CYP2A7: variants seen among roughly 807,000 people sequenced by gnomAD.
CYP2A7 encodes the protein cytochrome P450 family 2 subfamily A member 7.
In CYP2A7, 36 loss-of-function variants were observed where a neutral mutation model predicts 42.0. The observed-to-expected ratio is 0.86, with a 90% CI of 0.66 to 1.13. CYP2A7 has a LOEUF of 1.13. Among genes scored for constraint, CYP2A7 ranks in the 50% most tolerant of loss-of-function variants. CYP2A7 has a pLI of 0.00. For missense variants in CYP2A7, 661 were observed against 634.1 expected (o/e 1.04, Z -0.46); for synonymous variants, 260 against 249.5 (o/e 1.04, Z -0.40).
intron 4 of CYP2A7, 139 bp from the exon 5 acceptor site, chr19:40,879,075 C>T (rs939086954): frequency 1.5e-5 from 20 of 1,315,788 alleles, no homozygotes; most frequent in Middle Eastern, 2.7e-4. Flanking sequence ...TCAGTGGGGT[C>T]GGATAGGAAC....
chr19:40,881,548 T>A, intron 2 of CYP2A7, 41 bp downstream of exon 2: 1 of 1,609,546 alleles, frequency 6.2e-7, no homozygotes, highest in East Asian at 2.2e-5. Context: ...GAGACCATCG[T>A]GTCCGCCTGG....
rs1354280968 is a variant in CYP2A7 at position 40,879,875 on chromosome 19, A to T, written c.654+209T>A. On this transcript the variant is annotated intron_variant, in intron 4 of 8. Coordinates refer to ENST00000301146, the MANE Select transcript of CYP2A7 (RefSeq NM_000764.3). ...AGCTGAGGGTATGTATCCTACCAGC[A>T]GGCTCTGTTTTGGGGAGCATCTGTT... Among the ~76,000 whole-genome samples, 7 of 150,802 alleles carry T rather than the reference A, an allele frequency of 4.6e-5. No individual in the cohort carries two copies. The Admixed American group carries it at 4.7e-4, about 10-fold the overall frequency.
At chr19:40,879,049 T>C in intron 4 of CYP2A7, 113 bp from the exon 5 acceptor site, 2 of 1,456,640 alleles carry the variant, frequency 1.4e-6, no homozygotes, top group South Asian at 1.4e-5. Flanking sequence ...GGCATCTGTC[T>C]CATTGTTTAG....
intron 2 of CYP2A7, among the ~76,000 whole-genome samples, chr19:40,880,846 A>G (rs1402592556): frequency 1.1e-3 from 142 of 124,242 alleles, no homozygotes; most frequent in Non-Finnish European, 2.1e-3. Flanking sequence ...AGAGAGAGAG[A>G]GAGAGAGAGA....
Position 40,877,466 on chromosome 19 carries a change from C to A in CYP2A7, c.974-89G>T, listed in dbSNP as rs564551458. On this transcript the variant is annotated intron_variant, in intron 6 of 8. Transcript: ENST00000301146. The stretch of plus-strand genomic sequence containing the variant: ...AATAGGTAAAACGGGGTGGATGATA[C>A]GGCTCCCCCTATGAGACGGAGGTAG... The A allele has an allele frequency of 9.7e-6, 15 of 1,550,754 alleles. 2 individuals are homozygous for A. Among genetic ancestry groups the A allele is most frequent in the Admixed American group, 1.8e-5 (1 of 54,726 alleles).
At chr19:40,879,185 G>A (rs1178194991) in intron 4 of CYP2A7, among the ~76,000 whole-genome samples, 1 of 151,854 alleles carries the variant, frequency 6.6e-6, no homozygotes, top group Non-Finnish European at 1.5e-5. Flanking sequence ...GTATGCAAAT[G>A]AGGCTGGATT....
chr19:40,878,732 C>T (rs4079367), intron 5 of CYP2A7, 28 bp downstream of exon 5: 825,215 of 1,605,036 alleles, frequency 0.51, 221,930 homozygotes, highest in Admixed American at 0.67. Context: ...TGGCTTTGCA[C>T]CTCCCCGCAC....
At chr19:40,881,336 G>A (rs10424834) in intron 2 of CYP2A7, among the ~76,000 whole-genome samples, 74,269 of 150,378 alleles carry the variant, frequency 0.49, 19,016 homozygotes, top group Admixed American at 0.61. Flanking sequence ...GGAGAGAGAG[G>A]GGAAAGAGGA....
chr19:40,878,290 C>T (rs1180095473), intron 5 of CYP2A7, among the ~76,000 whole-genome samples: 3 of 151,632 alleles, frequency 2.0e-5, no homozygotes, highest in Non-Finnish European at 2.9e-5. Flanking sequence ...AGGCTGGACT[C>T]GAACTCCTGG....
chr19:40,875,816 G>A lies in CYP2A7; in HGVS notation c.1362C>T (p.Thr454=), dbSNP rs1967516708. ...LARMELFLFF[T]TVMQNFRLKS... ...TGAGGCGGAAGTTCTGCATGACGGTGGTGAAGAAGAGAAAGAGCTCCATTC... is the reference window on the plus strand; with the variant it reads ...TGAGGCGGAAGTTCTGCATGACGGTAGTGAAGAAGAGAAAGAGCTCCATTC... The change falls in exon 9 of 9, where the codon ACC becomes ACT. Residue 454 remains threonine (T), a synonymous_variant. Coordinates refer to ENST00000301146, the MANE Select transcript of CYP2A7 (RefSeq NM_000764.3). 6.3e-7 allele frequency: 1 copy of A among 1,595,856 alleles called. No individual in the cohort carries two copies. Among genetic ancestry groups the A allele is most frequent in the Admixed American group, 1.7e-5 (1 of 58,464 alleles).
intron 4 of CYP2A7, 105 bp downstream of exon 4, chr19:40,879,979 G>C: frequency 2.6e-6 from 4 of 1,544,008 alleles, no homozygotes; most frequent in Non-Finnish European, 3.5e-6. Flanking sequence ...ATTTTGAGGG[G>C]ACACTGTCTG....
chr19:40,881,508 A>G, intron 2 of CYP2A7, 81 bp downstream of exon 2: 2 of 1,592,526 alleles, frequency 1.3e-6, no homozygotes, highest in Non-Finnish European at 8.6e-7. Context: ...TCCAGTGGGC[A>G]GGAGAGTCAG....
At chr19:40,877,514 T>C (rs1454143714) in intron 6 of CYP2A7, 137 bp from the exon 7 acceptor site, 2 of 1,340,114 alleles carry the variant, frequency 1.5e-6, no homozygotes, top group Non-Finnish European at 2.0e-6. Flanking sequence ...AGAACAGACA[T>C]CGGCCATTCG....
At chr19:40,880,918 C>G (rs143369513) in intron 2 of CYP2A7, among the ~76,000 whole-genome samples, 2 of 146,946 alleles carry the variant, frequency 1.4e-5, no homozygotes, top group African/African-American at 2.5e-5. Context: ...GATAGAGATG[C>G]GCAGAGAAAC....
At chr19:40,880,449 C>T in intron 3 of CYP2A7, 30 bp downstream of exon 3, 2 of 1,605,726 alleles carry the variant, frequency 1.2e-6, no homozygotes, top group Non-Finnish European at 1.7e-6. Flanking sequence ...TTTCCTTCTC[C>T]TGCCCCCGCA....
Position 40,878,893 on chromosome 19 carries a change from G to T in CYP2A7, c.698C>A (p.Pro233Gln), listed in dbSNP as rs146496348. The T allele has an allele frequency of 6.5e-5, 105 of 1,610,190 alleles. 2 individuals carry two copies. Among genetic ancestry groups the T allele is most frequent in the Admixed American group, 1.3e-4 (8 of 59,836 alleles). ...FSSVMKHLPG[P>Q]QQQAFKLLQG... The stretch of plus-strand genomic sequence containing the variant: ...CAGCAACTTAAAGGCCTGTTGCTGT[G>T]GTCCTGGCAGGTGTTTCATCACCGA... The change falls in exon 5 of 9, where the codon CCA becomes CAA. Residue 233 changes from proline (P) to glutamine (Q), a missense_variant. By Grantham distance (76) the Pro-to-Gln change is moderately conservative. This residue lies in a region of CYP2A7 where 614 missense variants were observed against 552.4 expected (regional missense o/e 1.11). Coordinates refer to ENST00000301146, the MANE Select transcript of CYP2A7 (RefSeq NM_000764.3).
At position 40,878,841 on chromosome 19, in the gene CYP2A7, C is replaced by T. The variant is rs775290715; in HGVS notation, c.750G>A (p.Lys250=). The T allele has an allele frequency of 2.2e-5, 36 of 1,612,180 alleles. 2 individuals are homozygous for T. The highest frequency in any genetic ancestry group is 3.1e-5 in the Non-Finnish European group (36 of 1,178,700). The change falls in exon 5 of 9, where the codon AAG becomes AAA. Residue 250 remains lysine, a synonymous_variant. Coordinates refer to ENST00000301146, the MANE Select transcript of CYP2A7 (RefSeq NM_000764.3). ...GCGTGCGCTGGTTGTGCTCCACCTT[C>T]TTGGCTATGAAGTCCTCCAGCCCTT... ...LLQGLEDFIA[K]KVEHNQRTLD...
In CYP2A7 at chr19:40,877,945, T is replaced by G. The variant is rs1967574345; in HGVS notation, c.880A>C (p.Ser294Arg). Reference protein sequence around the residue: ...TEFYLKNLMMSTLNLFIAGTE... With the variant: ...TEFYLKNLMMRTLNLFIAGTE... ...CCTGCAATGAAGAGGTTCAACGTGC[T>G]CATCATCAGGTTCTTCAAGTAGAAC... The change falls in exon 6 of 9, where the codon AGC becomes CGC. Residue 294 changes from serine to arginine, a missense_variant. Physicochemically the swap from Ser to Arg is moderately radical, Grantham distance 110 (BLOSUM62 -1). Around this residue, in one of 3 missense-constraint regions of CYP2A7, gnomAD observed 614 missense variants for 552.4 expected, o/e 1.11. Coordinates refer to ENST00000301146, the MANE Select transcript of CYP2A7 (RefSeq NM_000764.3). 1 of 1,612,648 alleles carries G rather than the reference T, an allele frequency of 6.2e-7. No homozygotes were observed. The highest frequency in any genetic ancestry group is 8.5e-7 in the Non-Finnish European group (1 of 1,179,072).
intron 6 of CYP2A7, 138 bp from the exon 7 acceptor site, chr19:40,877,515 C>T (rs1967564617): frequency 1.2e-5 from 16 of 1,333,676 alleles, no homozygotes; most frequent in South Asian, 7.3e-5. Flanking sequence ...GAACAGACAT[C>T]GGCCATTCGC....
Sources: gnomAD v4.1 joint callset for allele counts (sites outside exome capture counted in the v4.1 genomes callset) on GRCh38, gnomAD v4.1.1 for gene constraint, gnomAD v4.1.1 regional missense constraint, MANE v1.5 for transcripts, NCBI Gene and HGNC (gene_info 2026-07-23, HGNC 2026-07-21) for gene names.